The following FRAS1 variants were observed in gnomAD, a reference collection of about 807,000 sequenced individuals.
FRAS1 encodes Fraser extracellular matrix complex subunit 1, also known as extracellular matrix organizing protein FRAS1.
Under a neutral mutation model 435.2 loss-of-function variants are expected in FRAS1, and 290 were observed. That is an observed-to-expected ratio of 0.67 (90% CI 0.61 to 0.73). The LOEUF (loss-of-function observed/expected upper bound fraction) is 0.73, where lower values mean the gene tolerates loss of function less well. Among genes scored for constraint, FRAS1 ranks in the 30% least tolerant of loss-of-function variants. The probability of loss-of-function intolerance (pLI) is 0.00; values close to 1 mark genes in which losing one functional copy is unlikely to be tolerated. For missense variants in FRAS1, 4,860 were observed against 5,001.5 expected (o/e 0.97, Z 0.85); for synonymous variants, 1,800 against 1,851.0 (o/e 0.97, Z 0.71).
chr4:78,453,314 G>C (rs1173696057), intron 47 of FRAS1, among the ~76,000 whole-genome samples: 1 of 152,146 alleles, frequency 6.6e-6, no homozygotes, highest in Non-Finnish European at 1.5e-5. Flanking sequence ...AAGGTAGTGG[G>C]ATTTCACCTA....
At chr4:78,103,656 G>A (rs577586041) in intron 2 of FRAS1, among the ~76,000 whole-genome samples, 5 of 152,224 alleles carry the variant, frequency 3.3e-5, no homozygotes, top group African/African-American at 1.2e-4. Flanking sequence ...CATGATTGGG[G>A]TTAGTGCCTA....
intron 2 of FRAS1, among the ~76,000 whole-genome samples, chr4:78,143,623 C>T (rs1720281673): frequency 6.6e-6 from 1 of 151,884 alleles, no homozygotes; most frequent in Non-Finnish European, 1.5e-5. Flanking sequence ...TAGCTAGGTT[C>T]AGTAGCTGAA....
chr4:78,507,714 C>A, intron 62 of FRAS1, 106 bp downstream of exon 62: 1 of 1,061,642 alleles, frequency 9.4e-7, no homozygotes, highest in East Asian at 3.0e-5. Context: ...CAGTGGTTCC[C>A]AACCAGGAGC....
chr4:78,519,396 G>C lies in FRAS1; in HGVS notation c.10455G>C (p.Val3485=), dbSNP rs1220713130. The C allele has an allele frequency of 1.4e-5, 22 of 1,610,092 alleles. No homozygotes were observed. The highest frequency in any genetic ancestry group is 1.9e-5 in the Non-Finnish European group (22 of 1,178,568). ...HVPLYVSYIY[V]TAPRGWASLE... ...CTCTATATGTGTCCTACATCTATGT[G>C]ACAGCCCCCAGGGGCTGGGCCTCCT... The change falls in exon 67 of 74, where the codon GTG becomes GTC. Residue 3485 remains valine (V), a synonymous_variant. Transcript: ENST00000512123.
At chr4:78,447,182 T>C (rs1164887206) in intron 43 of FRAS1, among the ~76,000 whole-genome samples, 4 of 148,588 alleles carry the variant, frequency 2.7e-5, no homozygotes, top group Non-Finnish European at 4.4e-5. Context: ...TTCTCAGAGT[T>C]CCCATATTGT....
At chr4:78,240,673 T>C (rs958818571) in intron 3 of FRAS1, among the ~76,000 whole-genome samples, 4 of 152,206 alleles carry the variant, frequency 2.6e-5, no homozygotes, top group African/African-American at 9.6e-5. Flanking sequence ...GGAGATATAA[T>C]GTAGCTGTCA....
chr4:78,482,713 C>T (rs1720050743), intron 58 of FRAS1, among the ~76,000 whole-genome samples, 178 bp downstream of exon 58: 2 of 152,130 alleles, frequency 1.3e-5, no homozygotes, highest in East Asian at 3.8e-4. Flanking sequence ...TGAGAGAGAA[C>T]CATTGATGTC....
chr4:78,429,708 A>G (rs1291671110), intron 36 of FRAS1, among the ~76,000 whole-genome samples: 2 of 152,206 alleles, frequency 1.3e-5, no homozygotes, highest in African/African-American at 2.4e-5. Context: ...TCTTTTATCA[A>G]GAACATTTTA....
chr4:78,266,503 G>A (rs1726363432), intron 7 of FRAS1, among the ~76,000 whole-genome samples: 1 of 152,248 alleles, frequency 6.6e-6, no homozygotes, highest in Non-Finnish European at 1.5e-5. Context: ...TCCTGGCAAA[G>A]GCAAGAGCTA....
chr4:78,068,422 T>C (rs1740160345), intron 2 of FRAS1: 1 of 435,134 alleles, frequency 2.3e-6, no homozygotes. Flanking sequence ...GGAGCAGAAA[T>C]GTAAAGTCTG....
intron 32 of FRAS1, among the ~76,000 whole-genome samples, chr4:78,416,228 T>C (rs1000186467): frequency 8.6e-5 from 13 of 151,966 alleles, no homozygotes; most frequent in Non-Finnish European, 2.9e-5. Flanking sequence ...TTATATAAGA[T>C]ATAAAGTAGA....
At chr4:78,448,785 C>T (rs1021628484) in intron 44 of FRAS1, among the ~76,000 whole-genome samples, 1 of 152,124 alleles carries the variant, frequency 6.6e-6, no homozygotes, top group Non-Finnish European at 1.5e-5. Flanking sequence ...TGAGAATTAT[C>T]AGATATGGTA....
Position 78,479,548 on chromosome 4 carries a change from T to C in FRAS1, c.8273T>C (p.Ile2758Thr). The C allele has an allele frequency of 3.1e-6, 5 of 1,614,000 alleles. No homozygotes were observed. The highest frequency in any genetic ancestry group is 1.7e-5 in the Admixed American group (1 of 60,036). Residue 2758 changes from isoleucine to threonine, a missense_variant, in exon 56 of 74, where the codon ATT becomes ACT. Coordinates refer to ENST00000512123, the MANE Select transcript of FRAS1 (RefSeq NM_025074.7). Reference protein sequence around the residue: ...VTMSTCDVMLIDDSEYEEEEE... With the variant: ...VTMSTCDVMLTDDSEYEEEEE... ...ATGTCCACCTGTGATGTCATGCTTA[T>C]TGATGACAGCGAGTATGAAGAGGAA...
At chr4:78,289,716 C>T (rs73827936) in intron 14 of FRAS1, among the ~76,000 whole-genome samples, 2,087 of 152,272 alleles carry the variant, frequency 0.014, 53 homozygotes, top group African/African-American at 0.047. Context: ...ACTTTGGTTC[C>T]TGCCGCTTGC....
intron 29 of FRAS1, 48 bp downstream of exon 29, chr4:78,387,749 C>A: frequency 8.2e-7 from 1 of 1,224,918 alleles, no homozygotes; most frequent in Non-Finnish European, 1.1e-6. Context: ...TAGATGTGAA[C>A]TTCTACGGTT....
chr4:78,255,342 C>T lies in FRAS1; in HGVS notation c.570C>T (p.Phe190=), dbSNP rs140901766. ...GTAGAAATGGGGTTGCCCAGTGCTT[C>T]ACAGCTCAGTGTCAGCCTCTATTTT... ...CLCRNGVAQC[F]TAQCQPLFCN... is the part of the protein sequence containing the mutation. The change falls in exon 6 of 74, where the codon TTC becomes TTT. Residue 190 remains phenylalanine, a synonymous_variant. Coordinates refer to ENST00000512123, the MANE Select transcript of FRAS1 (RefSeq NM_025074.7). 1.1e-5 allele frequency: 17 copies of T among 1,589,398 alleles called. No individual in the cohort carries two copies. In the African/African-American group the frequency reaches 2.1e-4, roughly 20 times the overall value.
At chr4:78,299,389 A>G (rs955554292) in intron 14 of FRAS1, among the ~76,000 whole-genome samples, 3 of 152,184 alleles carry the variant, frequency 2.0e-5, no homozygotes, top group Non-Finnish European at 4.4e-5. Flanking sequence ...GGGACCCCAG[A>G]CCTTCTCCTG....
intron 2 of FRAS1, among the ~76,000 whole-genome samples, chr4:78,223,859 G>T (rs1245110656): frequency 6.6e-6 from 1 of 152,106 alleles, no homozygotes; most frequent in African/African-American, 2.4e-5. Context: ...AATAGAAGCA[G>T]CTAAGCAATT....
chr4:78,201,216 A>T (rs1186590254), intron 2 of FRAS1, among the ~76,000 whole-genome samples: 1 of 152,214 alleles, frequency 6.6e-6, no homozygotes, highest in Non-Finnish European at 1.5e-5. Flanking sequence ...CTTTTCACAA[A>T]GTCAACACTC....
Sources: gnomAD v4.1 joint callset for allele counts (sites outside exome capture counted in the v4.1 genomes callset) on GRCh38, gnomAD v4.1.1 for gene constraint, MANE v1.5 for transcripts, NCBI Gene and HGNC (gene_info 2026-07-23, HGNC 2026-07-21) for gene names.